CPPED1: variants seen among roughly 807,000 people sequenced by gnomAD.
The protein encoded by CPPED1 is calcineurin like phosphoesterase domain containing 1.
CPPED1 carries 28 observed loss-of-function variants against 28.0 expected under a neutral mutation model. That is an observed-to-expected ratio of 1.00 (90% CI 0.74 to 1.37). The LOEUF (loss-of-function observed/expected upper bound fraction) is 1.37, where lower values mean the gene tolerates loss of function less well. Ranked by LOEUF, CPPED1 falls within the 40% of genes most tolerant of loss-of-function variation. CPPED1 has a pLI of 0.00. For missense variants in CPPED1, 504 were observed against 416.5 expected (o/e 1.21, Z -1.83); for synonymous variants, 198 against 180.2 (o/e 1.10, Z -0.79).
intron 3 of CPPED1, among the ~76,000 whole-genome samples, chr16:12,702,494 C>T (rs1453967738): frequency 1.3e-5 from 2 of 151,968 alleles, no homozygotes; most frequent in Non-Finnish European, 1.5e-5. Flanking sequence ...GCCATGATCA[C>T]GCCACTGCAC....
intron 2 of CPPED1, among the ~76,000 whole-genome samples, chr16:12,715,855 T>A (rs909401390): frequency 6.6e-6 from 1 of 152,188 alleles, no homozygotes; most frequent in Non-Finnish European, 1.5e-5. Context: ...AGGAAGCTTG[T>A]CCAACCTGCA....
At chr16:12,770,735 T>C (rs2080465040) in intron 2 of CPPED1, among the ~76,000 whole-genome samples, 2 of 151,908 alleles carry the variant, frequency 1.3e-5, no homozygotes, top group South Asian at 4.2e-4. Context: ...GGCAGGAGAA[T>C]CGCTTGAACC....
intron 1 of CPPED1, among the ~76,000 whole-genome samples, chr16:12,790,918 C>CAAAAA (rs538022826): frequency 3.2e-5 from 2 of 63,266 alleles, no homozygotes; most frequent in Non-Finnish European, 7.1e-5. Flanking sequence ...GACTCTATCT[C>CAAAAA]AAAAAAAAAA....
chr16:12,803,049 G>A (rs1477621045), intron 1 of CPPED1, among the ~76,000 whole-genome samples: 4 of 152,186 alleles, frequency 2.6e-5, no homozygotes, highest in African/African-American at 9.7e-5. Flanking sequence ...GTCCAACACC[G>A]GGTTACAAAA....
At chr16:12,796,060 G>A (rs2080625920) in intron 1 of CPPED1, among the ~76,000 whole-genome samples, 1 of 151,456 alleles carries the variant, frequency 6.6e-6, no homozygotes, top group African/African-American at 2.4e-5. Context: ...TCTAGCCTGG[G>A]CGATAGAGCA....
In CPPED1 at chr16:12,664,232, C is replaced by T. The variant is rs2141162370; in HGVS notation, c.*654G>A. 5.6e-6 allele frequency: 2 copies of T among 357,228 alleles called. No individual in the cohort carries two copies. The highest frequency in any genetic ancestry group is 1.6e-4 in the East Asian group (1 of 6,100). The allele number at this position is 357,228 out of a possible 1,614,324, so 22.1% of individuals were successfully genotyped here. A position where few individuals can be genotyped will look rare whatever the true frequency, so the allele number is the denominator to read the frequency against. On this transcript the variant is annotated 3_prime_UTR_variant, in exon 4 of 4. Transcript: ENST00000381774. The surrounding 1 kb of genome is among the most constrained non-coding windows in gnomAD (Gnocchi z 4.2). ...TTTTCAGAAATGGCCAATTTATGTGCAAAGGTGACTTTTCTAGGCACCCAG... is the reference window on the plus strand; with the variant it reads ...TTTTCAGAAATGGCCAATTTATGTGTAAAGGTGACTTTTCTAGGCACCCAG...
At chr16:12,720,374 G>C (rs2080133041) in intron 2 of CPPED1, 1 of 154,374 alleles carries the variant, frequency 6.5e-6, no homozygotes, top group Admixed American at 6.5e-5. Flanking sequence ...TTACTAGCAA[G>C]CTTTTCCTAA....
At chr16:12,722,743 T>C (rs1317202) in intron 2 of CPPED1, among the ~76,000 whole-genome samples, 3,362 of 152,106 alleles carry the variant, frequency 0.022, 59 homozygotes, top group East Asian at 0.1. Context: ...AAAAATCCCT[T>C]CCCACCAGCA....
At chr16:12,712,975 C>T (rs532747741) in intron 2 of CPPED1, among the ~76,000 whole-genome samples, 53 of 152,078 alleles carry the variant, frequency 3.5e-4, no homozygotes, top group African/African-American at 1.3e-3. Flanking sequence ...AACAAGTATA[C>T]ATTTAAATAA....
At chr16:12,723,888 G>C (rs900982745) in intron 2 of CPPED1, among the ~76,000 whole-genome samples, 1 of 152,082 alleles carries the variant, frequency 6.6e-6, no homozygotes, top group African/African-American at 2.4e-5. Context: ...ACGGGGAAAA[G>C]CTGCCATCCA....
At chr16:12,755,792 A>G (rs959704343) in intron 2 of CPPED1, among the ~76,000 whole-genome samples, 1 of 152,126 alleles carries the variant, frequency 6.6e-6, no homozygotes, top group Non-Finnish European at 1.5e-5. Context: ...CATATATGAA[A>G]TTTGCATGGC....
intron 2 of CPPED1, among the ~76,000 whole-genome samples, chr16:12,724,422 C>G (rs2080158389): frequency 6.6e-6 from 1 of 152,218 alleles, no homozygotes; most frequent in African/African-American, 2.4e-5. Flanking sequence ...ACCAGCCTGT[C>G]ACTTCCATGA....
chr16:12,766,125 G>A (rs1435703644), intron 2 of CPPED1, among the ~76,000 whole-genome samples: 3 of 151,862 alleles, frequency 2.0e-5, no homozygotes, highest in East Asian at 1.9e-4. Flanking sequence ...TGCAGAAGGC[G>A]TTCATTAGCT....
chr16:12,699,914 A>G (rs2080011407), intron 3 of CPPED1, among the ~76,000 whole-genome samples: 1 of 152,202 alleles, frequency 6.6e-6, no homozygotes, highest in South Asian at 2.1e-4. Context: ...GCTCTCCAAA[A>G]TGAGTTCCAA....
chr16:12,666,435 T>G (rs1448400772), intron 3 of CPPED1, among the ~76,000 whole-genome samples: 1 of 152,226 alleles, frequency 6.6e-6, no homozygotes, highest in African/African-American at 2.4e-5. Flanking sequence ...CTGTTGTGGG[T>G]GCCTCCGTTT....
chr16:12,731,222 C>T (rs185989431), intron 2 of CPPED1, among the ~76,000 whole-genome samples: 231 of 150,136 alleles, frequency 1.5e-3, no homozygotes, highest in Middle Eastern at 6.8e-3. Context: ...GGCGCGATCT[C>T]GGCTCACTGC....
At chr16:12,729,316 G>A (rs989064776) in intron 2 of CPPED1, among the ~76,000 whole-genome samples, 4 of 152,088 alleles carry the variant, frequency 2.6e-5, no homozygotes, top group African/African-American at 9.7e-5. Flanking sequence ...TTAATTTGGG[G>A]ACATTACAAG....
At chr16:12,790,413 A>G (rs867395894) in intron 1 of CPPED1, among the ~76,000 whole-genome samples, 1 of 152,190 alleles carries the variant, frequency 6.6e-6, no homozygotes, top group Non-Finnish European at 1.5e-5. Context: ...AGCAATGACT[A>G]ACTATAATGA....
At chr16:12,692,423 T>A (rs2079968415) in intron 3 of CPPED1, among the ~76,000 whole-genome samples, 1 of 152,198 alleles carries the variant, frequency 6.6e-6, no homozygotes, top group Admixed American at 6.5e-5. Flanking sequence ...TTAAAACATT[T>A]TTCAATAACC....
Sources: gnomAD v4.1 joint callset for allele counts (sites outside exome capture counted in the v4.1 genomes callset) on GRCh38, gnomAD v4.1.1 for gene constraint, Gnocchi (gnomAD v3.1) non-coding constraint, MANE v1.5 for transcripts, NCBI Gene and HGNC (gene_info 2026-07-23, HGNC 2026-07-21) for gene names.